Variants in ESYT2 observed in about 807,000 individuals in gnomAD.
The protein encoded by ESYT2 is extended synaptotagmin-2.
Under a neutral mutation model 107.2 loss-of-function variants are expected in ESYT2, and 54 were observed. That is an observed-to-expected ratio of 0.50 (90% CI 0.40 to 0.63). ESYT2 has a LOEUF of 0.63. ESYT2 is among the 30% of genes least tolerant of loss of function. The pLI, the probability that ESYT2 is intolerant of heterozygous loss-of-function variation, is 0.00. For missense variants in ESYT2, 1,020 were observed against 1,094.5 expected, an observed-to-expected ratio of 0.93 and a Z score of 0.96; for synonymous variants, 491 against 434.1, an observed-to-expected ratio of 1.13 and a Z score of -1.63.
intron 7 of ESYT2, among the ~76,000 whole-genome samples, chr7:158,768,511 C>T (rs1008675133): frequency 1.3e-5 from 2 of 152,192 alleles, no homozygotes; most frequent in East Asian, 1.9e-4. Context: ...CCTCCAGCTC[C>T]TGGGTTTAAG....
intron 6 of ESYT2, among the ~76,000 whole-genome samples, chr7:158,780,970 G>A (rs901629177): frequency 5.3e-5 from 8 of 152,188 alleles, no homozygotes; most frequent in Non-Finnish European, 8.8e-5. Flanking sequence ...GAGAGGCTGT[G>A]TAAATCTATG....
rs370628161 is a variant in ESYT2 at position 158,738,623 on chromosome 7, T to TC, written c.2267+399_2267+400insG. Among the ~76,000 whole-genome samples the TC allele has an allele frequency of 6.3e-3, 949 of 151,824 alleles. 9 individuals carry two copies. Among genetic ancestry groups the TC allele is most frequent in the African/African-American group, 0.02 (846 of 41,386 alleles). On this transcript the variant is annotated intron_variant, in intron 19 of 22. Coordinates refer to ENST00000275418, the MANE Select transcript of ESYT2 (RefSeq NM_001367773.1). The stretch of plus-strand genomic sequence containing the variant: ...GCATGCACCACCACACGTGGCTAGT[T>TC]TGTATTTTTAGTAGAGACAGGGTTT...
chr7:158,760,402 C>T (rs1016915426), intron 11 of ESYT2, among the ~76,000 whole-genome samples: 9 of 152,210 alleles, frequency 5.9e-5, no homozygotes, highest in African/African-American at 9.6e-5. Context: ...CCCGTGACCC[C>T]GACAGAAACC....
intron 3 of ESYT2, among the ~76,000 whole-genome samples, chr7:158,796,602 G>GA: frequency 6.6e-6 from 1 of 152,358 alleles, no homozygotes; most frequent in Admixed American, 6.5e-5. Flanking sequence ...ACGTGGAGCA[G>GA]AAAGACACGT....
chr7:158,805,976 C>T (rs912763552), intron 1 of ESYT2, among the ~76,000 whole-genome samples: 3 of 152,206 alleles, frequency 2.0e-5, no homozygotes, highest in African/African-American at 2.4e-5. Context: ...AAAGGAATGA[C>T]GGCTGAGCCA....
At chr7:158,828,911 G>A (rs6944346) in intron 1 of ESYT2, among the ~76,000 whole-genome samples, 178 bp downstream of exon 1, 14,186 of 147,576 alleles carry the variant, frequency 0.096, 700 homozygotes, top group African/African-American at 0.13. Flanking sequence ...TCGCCCAGGC[G>A]GAAGGGAAGC....
At chr7:158,737,558 G>A (rs1414134824) in intron 19 of ESYT2, among the ~76,000 whole-genome samples, 1 of 152,070 alleles carries the variant, frequency 6.6e-6, no homozygotes, top group East Asian at 1.9e-4. Flanking sequence ...CCAGAAGGGG[G>A]CTGCTCCTTT....
chr7:158,813,030 G>A (rs1290837189), intron 1 of ESYT2, among the ~76,000 whole-genome samples: 1 of 152,212 alleles, frequency 6.6e-6, no homozygotes, highest in African/African-American at 2.4e-5. Flanking sequence ...TACATGTAAA[G>A]GTAGTAAATG....
At position 158,743,630 on chromosome 7, in the gene ESYT2, G is replaced by A. The variant is rs1469209085; in HGVS notation, c.1693C>T (p.Leu565Phe). The part of the protein sequence containing the change: ...QCSLGNLKVP[L>F]SQLLTSEDMT... The stretch of plus-strand genomic sequence containing the variant: ...TCCTCACTGGTGAGCAGCTGGCTGA[G>A]GGGGACCTTCAGGTTCCCCAGGGAA... Residue 565 changes from leucine to phenylalanine, a missense_variant, in exon 17 of 23, where the codon CTC becomes TTC. Leu to Phe is a conservative substitution (Grantham distance 22). Transcript: ENST00000275418. 1.2e-6 allele frequency: 2 copies of A among 1,613,574 alleles called. No homozygotes were observed. The highest frequency in any genetic ancestry group is 2.2e-5 in the South Asian group (2 of 91,024).
intron 8 of ESYT2, among the ~76,000 whole-genome samples, chr7:158,766,763 A>C (rs184237959): frequency 6.6e-6 from 1 of 152,304 alleles, no homozygotes; most frequent in East Asian, 1.9e-4. Context: ...AATATAAATA[A>C]TGTGGTGTGC....
intron 6 of ESYT2, among the ~76,000 whole-genome samples, chr7:158,783,382 T>G (rs1372870108): frequency 6.6e-6 from 1 of 152,180 alleles, no homozygotes; most frequent in Non-Finnish European, 1.5e-5. Flanking sequence ...CTGGCTGCAT[T>G]GAGCTCCACA....
rs1840570884 is a variant in ESYT2 at position 158,829,506 on chromosome 7, C to G, written c.-88G>C. The G allele has an allele frequency of 2.4e-6, 3 of 1,274,326 alleles. No homozygotes were observed. The highest frequency in any genetic ancestry group is 1.6e-5 in the African/African-American group (1 of 63,752). 78.9% of individuals were successfully genotyped at this position (1,274,326 alleles called of 1,614,324 possible). On this transcript the variant is annotated 5_prime_UTR_variant, in exon 1 of 23. Coordinates refer to ENST00000275418, the MANE Select transcript of ESYT2 (RefSeq NM_001367773.1). ...GCGGCTCAGCCCCGCGCCAGCGCCC[C>G]TCTGAGGGGACGCGGCTCCGCCGCA...
intron 6 of ESYT2, among the ~76,000 whole-genome samples, chr7:158,777,842 C>T (rs1303823967): frequency 6.6e-6 from 1 of 152,166 alleles, no homozygotes; most frequent in Non-Finnish European, 1.5e-5. Context: ...CCACAGATCA[C>T]AGTCACAGAT....
At chr7:158,739,171 T>C (rs1837096285) in intron 18 of ESYT2, 50 bp from the exon 19 acceptor site, 4 of 1,479,426 alleles carry the variant, frequency 2.7e-6, no homozygotes, top group Non-Finnish European at 3.8e-6. Context: ...CTGGAGAACG[T>C]TGTGATTCAT....
intron 1 of ESYT2, among the ~76,000 whole-genome samples, chr7:158,800,887 C>T (rs1839621483): frequency 6.6e-6 from 1 of 152,112 alleles, no homozygotes; most frequent in African/African-American, 2.4e-5. Context: ...TACCGCCACA[C>T]CCTGCTAATT....
rs1488684724 is a variant in ESYT2, at chr7:158,731,540, CAG to C, written c.*2665_*2666del. 1 of 152,524 alleles carries C rather than the reference CAG, an allele frequency of 6.6e-6. No homozygotes were observed. The highest frequency in any genetic ancestry group is 1.5e-5 in the Non-Finnish European group (1 of 68,058). The allele number at this position is 152,524 out of a possible 1,614,324, so 9.4% of individuals were successfully genotyped here. A position where few individuals can be genotyped will look rare whatever the true frequency, so the allele number is the denominator to read the frequency against. On this transcript the variant is annotated 3_prime_UTR_variant, in exon 23 of 23. Transcript: ENST00000275418. The stretch of plus-strand genomic sequence containing the variant: ...CAGGCTGGTCTTGAACTCCTGACCT[CAG>C]GTCATCCGCCCGCCTCGGCCTCCCA...
At chr7:158,768,079 T>C (rs1838226190) in intron 7 of ESYT2, among the ~76,000 whole-genome samples, 1 of 152,240 alleles carries the variant, frequency 6.6e-6, no homozygotes, top group African/African-American at 2.4e-5. Flanking sequence ...ACCAACCTAA[T>C]ACACTTCATA....
intron 20 of ESYT2, among the ~76,000 whole-genome samples, chr7:158,736,527 C>T (rs140906298): frequency 5.9e-4 from 90 of 152,286 alleles, no homozygotes; most frequent in Non-Finnish European, 9.3e-4. Flanking sequence ...ACCCTGACCA[C>T]AGAAGCAGGC....
intron 13 of ESYT2, among the ~76,000 whole-genome samples, 162 bp from the exon 14 acceptor site, chr7:158,753,005 C>A (rs914248658): frequency 1.3e-5 from 2 of 152,202 alleles, no homozygotes; most frequent in African/African-American, 4.8e-5. Context: ...GTATAAAATT[C>A]TTTATGCCCA....
Sources: gnomAD v4.1 joint callset for allele counts (sites outside exome capture counted in the v4.1 genomes callset) on GRCh38, gnomAD v4.1.1 for gene constraint, MANE v1.5 for transcripts, NCBI Gene and HGNC (gene_info 2026-07-23, HGNC 2026-07-21) for gene names.